The following RETSAT variants were observed in gnomAD, a reference collection of about 807,000 sequenced individuals.
RETSAT encodes retinol saturase, also known as all-trans-retinol 13,14-reductase.
Under a neutral mutation model 61.6 loss-of-function variants are expected in RETSAT, and 35 were observed. The observed-to-expected ratio is 0.57, with a 90% CI of 0.43 to 0.75. The LOEUF (loss-of-function observed/expected upper bound fraction) is 0.75. Ranked by LOEUF, RETSAT falls within the 30% of genes least tolerant of loss-of-function variation. The pLI is 0.00. For synonymous variants in RETSAT, 277 were observed against 310.4 expected (o/e 0.89, Z 1.13); for missense variants, 670 against 759.5 (o/e 0.88, Z 1.38).
intron 5 of RETSAT, 28 bp downstream of exon 5, chr2:85,349,356 G>C (rs1683259476): frequency 6.2e-7 from 1 of 1,612,884 alleles, no homozygotes; most frequent in Non-Finnish European, 8.5e-7. Context: ...CAGGGACCCA[G>C]AAGGGCAGGG....
Position 85,354,513 on chromosome 2 carries a change from CG to C in RETSAT, c.-7del. 1 of 1,603,744 alleles carries C rather than the reference CG, an allele frequency of 6.2e-7. No homozygotes were observed. The highest frequency in any genetic ancestry group is 8.5e-7 in the Non-Finnish European group (1 of 1,174,634). Reference sequence around the variant, plus strand: ...AGCACCAGCGGAAGCCACATCACGCCGGCGTCGGGTCGGGTAAATGGGACAG... The same window carrying C: ...AGCACCAGCGGAAGCCACATCACGCCGCGTCGGGTCGGGTAAATGGGACAG... On this transcript the variant is annotated 5_prime_UTR_variant, in exon 1 of 11. Transcript: ENST00000295802.
At chr2:85,346,201 G>C in intron 5 of RETSAT, 107 bp from the exon 6 acceptor site, 2 of 1,453,398 alleles carry the variant, frequency 1.4e-6, no homozygotes, top group Non-Finnish European at 9.3e-7. Flanking sequence ...TCAGACCTTG[G>C]AGTCCAGCTA....
chr2:85,350,536 CAGGGA>C (rs2104438642), intron 3 of RETSAT, among the ~76,000 whole-genome samples: 1 of 152,168 alleles, frequency 6.6e-6, no homozygotes, highest in South Asian at 2.1e-4. Flanking sequence ...CCAGCCTAGT[CAGGGA>C]GGAGAGCAGG....
chr2:85,351,659 C>G (rs1683301381), intron 2 of RETSAT, 21 bp downstream of exon 2: 12 of 1,608,476 alleles, frequency 7.5e-6, no homozygotes, highest in Non-Finnish European at 1.0e-5. Flanking sequence ...TGCTCCCAAC[C>G]CTTTTCCACA....
Position 85,350,026 on chromosome 2 carries a change from G to A in RETSAT, c.799+14C>T, listed in dbSNP as rs1473329662. The stretch of plus-strand genomic sequence containing the variant: ...TCCTCCAGAAGCTGCCCAGAGCCCA[G>A]GCCCAGTACCCACCGTAAGTGGGGA... On this transcript the variant is annotated intron_variant, in intron 4 of 10. Transcript: ENST00000295802. 6.2e-7 allele frequency: 1 copy of A among 1,612,054 alleles called. No homozygotes were observed. The highest frequency in any genetic ancestry group is 8.5e-7 in the Non-Finnish European group (1 of 1,179,220).
rs758438474 is a variant in RETSAT at position 85,350,805 on chromosome 2, A to G, written c.572T>C (p.Ile191Thr). ...CTTAACCAGCTTTATATACTTGTCA[A>G]TGATAGCTTCCTCCTGTGGAAACTT... ...KEKFPQEEAIIDKYIKLVKVV... is the reference protein window; with the variant it reads ...KEKFPQEEAITDKYIKLVKVV... The change falls in exon 3 of 11, where the codon ATT becomes ACT. Residue 191 changes from isoleucine to threonine, a missense_variant. Transcript: ENST00000295802. 12 of 1,614,188 alleles carry G rather than the reference A, an allele frequency of 7.4e-6. No individual in the cohort carries two copies. In the Admixed American group the frequency reaches 1.5e-4, roughly 20 times the overall value.
chr2:85,349,765 G>A, intron 4 of RETSAT, 184 bp from the exon 5 acceptor site: 2 of 646,198 alleles, frequency 3.1e-6, no homozygotes, highest in Non-Finnish European at 5.4e-6. Context: ...AGATCTTGGC[G>A]CCAGTAGGAA....
rs777762967 is a variant in RETSAT at position 85,345,904 on chromosome 2, G to A, written c.1117+71C>T. On this transcript the variant is annotated intron_variant, in intron 6 of 10. Coordinates refer to ENST00000295802, the MANE Select transcript of RETSAT (RefSeq NM_017750.4). The stretch of plus-strand genomic sequence containing the variant: ...AGAAGAGGAGAAGCATGACCCACAC[G>A]GAGCAGGTTGGCTCCAGAAGGGGAC... 167 of 1,603,208 alleles carry A rather than the reference G, an allele frequency of 1.0e-4. 1 individual carries two copies. The highest frequency in any genetic ancestry group is 1.4e-4 in the Non-Finnish European group (159 of 1,171,580).
intron 9 of RETSAT, 41 bp from the exon 10 acceptor site, chr2:85,343,839 C>T (rs1258346136): frequency 1.9e-6 from 3 of 1,608,696 alleles, no homozygotes; most frequent in Admixed American, 3.3e-5. Context: ...GAGATCCTGG[C>T]TCCCCTCCCT....
intron 2 of RETSAT, 124 bp downstream of exon 2, chr2:85,351,556 A>C: frequency 3.0e-6 from 3 of 992,686 alleles, no homozygotes; most frequent in Non-Finnish European, 3.0e-6. Flanking sequence ...CAAAGAAAAA[A>C]AGTACCCAGA....
At chr2:85,351,168 T>C (rs1683292697) in intron 2 of RETSAT, 147 bp from the exon 3 acceptor site, 1 of 957,708 alleles carries the variant, frequency 1.0e-6, no homozygotes, top group South Asian at 1.6e-5. Context: ...TAGGGAGGTG[T>C]CACAGCAGAA....
intron 5 of RETSAT, among the ~76,000 whole-genome samples, chr2:85,348,563 G>A (rs144286394): frequency 0.032 from 4,625 of 142,842 alleles, 202 homozygotes; most frequent in African/African-American, 0.099. Flanking sequence ...ACCAGGAGGC[G>A]GAGCTTGCAG....
intron 1 of RETSAT, among the ~76,000 whole-genome samples, chr2:85,352,678 G>A (rs1193558864): frequency 6.6e-6 from 1 of 152,178 alleles, no homozygotes; most frequent in Non-Finnish European, 1.5e-5. Flanking sequence ...CAACACACCA[G>A]CCCACAAGCC....
chr2:85,344,489 CA>C, intron 7 of RETSAT, 104 bp downstream of exon 7: 1 of 1,556,014 alleles, frequency 6.4e-7, no homozygotes, highest in Non-Finnish European at 8.8e-7. Context: ...CTTCCAGGAG[CA>C]AATTAGAAAT....
At chr2:85,348,394 G>T (rs775193030) in intron 5 of RETSAT, among the ~76,000 whole-genome samples, 6 of 152,106 alleles carry the variant, frequency 3.9e-5, no homozygotes, top group Non-Finnish European at 8.8e-5. Context: ...ACTTTGGGAG[G>T]CCAAGGTGGG....
chr2:85,344,691 T>G lies in RETSAT; in HGVS notation c.1159A>C (p.Met387Leu). 6.2e-7 allele frequency: 1 copy of G among 1,614,148 alleles called. No homozygotes were observed. ...QLGTVRPGLGMTSVFICLRGT... is the reference protein window; with the variant it reads ...QLGTVRPGLGLTSVFICLRGT... ...CGCAGGCAGATGAAAACAGAGGTCA[T>G]GCCTAAGCCGGGCCGCACCGTCCCC... is the stretch of plus-strand genomic sequence containing the variant. Residue 387 changes from methionine (M) to leucine (L), a missense_variant, in exon 7 of 11, where the codon ATG (methionine) becomes CTG (leucine). Met to Leu is a conservative substitution (Grantham distance 15, BLOSUM62 2). Coordinates refer to ENST00000295802, the MANE Select transcript of RETSAT (RefSeq NM_017750.4).
intron 1 of RETSAT, among the ~76,000 whole-genome samples, chr2:85,353,832 C>A (rs1050221760): frequency 6.6e-6 from 1 of 152,202 alleles, no homozygotes; most frequent in African/African-American, 2.4e-5. Context: ...GAGCCTGAGG[C>A]GCCTTGTTGA....
chr2:85,353,751 C>G (rs1683363306), intron 1 of RETSAT, among the ~76,000 whole-genome samples: 2 of 152,186 alleles, frequency 1.3e-5, no homozygotes, highest in South Asian at 4.1e-4. Flanking sequence ...TTTTTTAAAG[C>G]AGCAGAACTC....
chr2:85,344,571 A>G (rs377040000), intron 7 of RETSAT, 23 bp downstream of exon 7: 2 of 1,613,266 alleles, frequency 1.2e-6, no homozygotes, highest in African/African-American at 2.7e-5. Flanking sequence ...GGCCACACAC[A>G]TACACACACA....
Sources: allele counts gnomAD v4.1 joint callset (sites outside exome capture counted in the v4.1 genomes callset), GRCh38; gene constraint gnomAD v4.1.1; transcripts MANE v1.5; gene names NCBI Gene and HGNC (gene_info 2026-07-23, HGNC 2026-07-21).